TMEM132D: variants seen among roughly 807,000 people sequenced by gnomAD.
TMEM132D encodes mature OL transmembrane protein.
In TMEM132D, 21 loss-of-function variants were observed where a neutral mutation model predicts 62.3. That is an observed-to-expected ratio of 0.34 (90% confidence interval 0.24 to 0.49). The LOEUF (loss-of-function observed/expected upper bound fraction) is 0.49, where lower values mean the gene tolerates loss of function less well. TMEM132D is among the 20% of genes least tolerant of loss of function. The probability of loss-of-function intolerance (pLI) is 0.99; values close to 1 mark genes in which losing one functional copy is unlikely to be tolerated. For synonymous variants in TMEM132D, 621 were observed against 575.6 expected, an observed-to-expected ratio of 1.08 and a Z score of -1.13; for missense variants, 1,346 against 1,402.8, an observed-to-expected ratio of 0.96 and a Z score of 0.65.
At chr12:129,464,713 A>G (rs1397626685) in intron 3 of TMEM132D, among the ~76,000 whole-genome samples, 4 of 152,148 alleles carry the variant, frequency 2.6e-5, no homozygotes, top group Non-Finnish European at 5.9e-5. Flanking sequence ...TCCCAGCACC[A>G]TTTATTAAAT....
intron 4 of TMEM132D, among the ~76,000 whole-genome samples, chr12:129,293,269 G>A (rs1881493980): frequency 6.6e-6 from 1 of 152,172 alleles, no homozygotes; most frequent in Non-Finnish European, 1.5e-5. Context: ...TCATCCTGAT[G>A]GCTTGGGAGC....
Position 129,513,820 on chromosome 12 carries a change from ATTTATTTATTTAT to A in TMEM132D, c.1115+17226_1115+17238del, listed in dbSNP as rs1372309057. ...AATTTTTATTTTTATTTATTTATTT[ATTTATTTATTTAT>A]TTATTTATTTATTTATTTTTTTGAG... On this transcript the variant is annotated intron_variant, in intron 3 of 8. Transcript: ENST00000422113. Among the ~76,000 whole-genome samples the A allele has an allele frequency of 1.2e-4, 14 of 115,100 alleles. 1 individual carries two copies. In the South Asian group the frequency reaches 3.9e-3, roughly 32 times the overall value. 75.5% of individuals were successfully genotyped at this position (115,100 alleles called of 152,430 possible).
At chr12:129,212,663 C>A (rs1879089153) in intron 4 of TMEM132D, 1 of 152,246 alleles carries the variant, frequency 6.6e-6, no homozygotes, top group Non-Finnish European at 1.5e-5. Context: ...CTTTAGAAAA[C>A]ATATCTCCTT....
At chr12:129,493,620 A>G (rs570588916) in intron 3 of TMEM132D, among the ~76,000 whole-genome samples, 1 of 152,354 alleles carries the variant, frequency 6.6e-6, no homozygotes, top group South Asian at 2.1e-4. Flanking sequence ...GACACACACA[A>G]TACCAGCTGC....
At chr12:129,500,877 C>T (rs1021391234) in intron 3 of TMEM132D, among the ~76,000 whole-genome samples, 3 of 152,188 alleles carry the variant, frequency 2.0e-5, no homozygotes, top group African/African-American at 7.2e-5. Context: ...AACCATCCAC[C>T]AAGCAGTAAT....
chr12:129,254,289 C>T (rs912215512), intron 4 of TMEM132D, among the ~76,000 whole-genome samples: 2 of 152,352 alleles, frequency 1.3e-5, no homozygotes, highest in Admixed American at 1.3e-4. Context: ...GATCATTACA[C>T]ATTGTAAACC....
At chr12:129,868,504 T>C (rs1472172986) in intron 1 of TMEM132D, among the ~76,000 whole-genome samples, 1 of 152,208 alleles carries the variant, frequency 6.6e-6, no homozygotes, top group Non-Finnish European at 1.5e-5. Flanking sequence ...CTGAACCCCC[T>C]AGAAGACATA....
intron 3 of TMEM132D, among the ~76,000 whole-genome samples, chr12:129,421,895 A>G (rs1872335110): frequency 6.6e-6 from 1 of 152,212 alleles, no homozygotes; most frequent in Non-Finnish European, 1.5e-5. Context: ...AGCATGCAAT[A>G]AAATTCAGTC....
In TMEM132D at chr12:129,867,007, C is replaced by A. The variant is rs771561173; in HGVS notation, c.79+36254G>T. Among the ~76,000 whole-genome samples the A allele has an allele frequency of 2.6e-5, 4 of 152,002 alleles. No homozygotes were observed. Among genetic ancestry groups the A allele is most frequent in the Non-Finnish European group, 5.9e-5 (4 of 68,014 alleles). On this transcript the variant is annotated intron_variant, in intron 1 of 8. Transcript: ENST00000422113. The surrounding 1 kb of genome is among the most constrained non-coding windows in gnomAD (Gnocchi z 4.5). ...TCATGCCTGTAATCCCGGCACCTTG[C>A]GAAGCTGAGGCAGGCAGATGGCCTG...
chr12:129,610,629 C>A (rs1234636119), intron 2 of TMEM132D, among the ~76,000 whole-genome samples: 1 of 151,962 alleles, frequency 6.6e-6, no homozygotes, highest in African/African-American at 2.4e-5. Context: ...AGGAAGTAGC[C>A]CAGATTGCTT....
chr12:129,690,301 C>T lies in TMEM132D; in HGVS notation c.968+9509G>A, dbSNP rs555685109. Among the ~76,000 whole-genome samples, 23 of 151,480 alleles carry T rather than the reference C, an allele frequency of 1.5e-4. 1 individual carries two copies. The South Asian group carries it at 2.5e-3, about 17-fold the overall frequency. On this transcript the variant is annotated intron_variant, in intron 2 of 8. Transcript: ENST00000422113. ...AAAGGGGCAGATACAGAACAAAGAA[C>T]ACATGAAATTAATAGAAAATAGTTA...
Position 129,300,492 on chromosome 12 carries a change from G to A in TMEM132D, c.1299+37142C>T, listed in dbSNP as rs1300163029. On this transcript the variant is annotated intron_variant, in intron 4 of 8. Transcript: ENST00000422113. ...GTTTTTGCTATGGATGCTGTAACAT[G>A]TTGCCACAAACTTAGTGGCTTGAAA... Among the ~76,000 whole-genome samples the A allele has an allele frequency of 2.0e-5, 3 of 152,192 alleles. No homozygotes were observed. In the East Asian group the frequency reaches 5.8e-4, roughly 29 times the overall value.
At chr12:129,825,110 T>A (rs1040948805) in intron 1 of TMEM132D, among the ~76,000 whole-genome samples, 1 of 151,630 alleles carries the variant, frequency 6.6e-6, no homozygotes, top group African/African-American at 2.4e-5. Context: ...ACCTCCCCGG[T>A]TCAAGCTATT....
At chr12:129,705,301 T>C (rs1303889552) in intron 1 of TMEM132D, among the ~76,000 whole-genome samples, 2 of 152,226 alleles carry the variant, frequency 1.3e-5, no homozygotes, top group East Asian at 3.8e-4. Flanking sequence ...TACATTTCCC[T>C]GATTCCAGAG....
chr12:129,454,725 G>T (rs899671543), intron 3 of TMEM132D, among the ~76,000 whole-genome samples: 2 of 152,178 alleles, frequency 1.3e-5, no homozygotes, highest in African/African-American at 2.4e-5. Flanking sequence ...GTCTACAAAA[G>T]AACTGATTCC....
chr12:129,081,139 C>G (rs766920003), intron 7 of TMEM132D, among the ~76,000 whole-genome samples: 16 of 152,302 alleles, frequency 1.1e-4, no homozygotes, highest in Non-Finnish European at 2.2e-4. Context: ...ATCAGGTAAG[C>G]TCACCTCAAA....
intron 4 of TMEM132D, among the ~76,000 whole-genome samples, chr12:129,279,795 A>T (rs1459699550): frequency 6.6e-6 from 1 of 152,218 alleles, no homozygotes; most frequent in Non-Finnish European, 1.5e-5. Flanking sequence ...TCCGATGGTG[A>T]TCTCATGTTT....
At chr12:129,477,448 T>C (rs1254119430) in intron 3 of TMEM132D, among the ~76,000 whole-genome samples, 1 of 152,202 alleles carries the variant, frequency 6.6e-6, no homozygotes, top group Non-Finnish European at 1.5e-5. Context: ...TTACTTGGTC[T>C]CCATGCTCTA....
intron 2 of TMEM132D, among the ~76,000 whole-genome samples, chr12:129,534,434 A>T (rs796872628): frequency 2.7e-5 from 4 of 149,990 alleles, no homozygotes; most frequent in Non-Finnish European, 4.4e-5. Context: ...TATATATATA[A>T]AAATATATAA....
Sources: allele counts gnomAD v4.1 joint callset (sites outside exome capture counted in the v4.1 genomes callset), GRCh38; gene constraint gnomAD v4.1.1; non-coding constraint Gnocchi (gnomAD v3.1); transcripts MANE v1.5; gene names NCBI Gene and HGNC (gene_info 2026-07-23, HGNC 2026-07-21).